LHFPL3: variants seen among roughly 807,000 people sequenced by gnomAD.
The protein encoded by LHFPL3 is LHFPL tetraspan subfamily member 3 protein.
LHFPL3 carries 5 observed loss-of-function variants against 19.3 expected under a neutral mutation model. The observed-to-expected ratio is 0.26, with a 90% CI of 0.14 to 0.54. LHFPL3 has a LOEUF of 0.54. Among genes scored for constraint, LHFPL3 ranks in the 20% least tolerant of loss-of-function variants. LHFPL3 has a pLI of 0.94. For missense variants in LHFPL3, 249 were observed against 307.4 expected (o/e 0.81, Z 1.42); for synonymous variants, 133 against 126.2 (o/e 1.05, Z -0.36).
At chr7:104,544,326 A>G (rs1355338361) in intron 1 of LHFPL3, among the ~76,000 whole-genome samples, 1 of 152,202 alleles carries the variant, frequency 6.6e-6, no homozygotes, top group Non-Finnish European at 1.5e-5. Flanking sequence ...GTATGGCCCC[A>G]TAGCCATCTC....
chr7:104,536,041 G>T (rs1794383155), intron 1 of LHFPL3, among the ~76,000 whole-genome samples: 1 of 152,132 alleles, frequency 6.6e-6, no homozygotes, highest in African/African-American at 2.4e-5. Flanking sequence ...TTTTCTCCCT[G>T]TGACCCATGC....
At chr7:104,811,166 CTTTCTTTT>C (rs1790460847) in intron 2 of LHFPL3, among the ~76,000 whole-genome samples, 2 of 18,026 alleles carry the variant, frequency 1.1e-4, no homozygotes, top group Non-Finnish European at 2.6e-3. Flanking sequence ...TTCTTTCTTT[CTTTCTTTT>C]CTTTTCTTTT....
At chr7:104,677,107 G>A (rs1196349478) in intron 1 of LHFPL3, among the ~76,000 whole-genome samples, 1 of 152,218 alleles carries the variant, frequency 6.6e-6, no homozygotes, top group African/African-American at 2.4e-5. Context: ...CAGACACACT[G>A]GCTCATGCCT....
At chr7:104,745,937 G>A (rs547599314) in intron 2 of LHFPL3, among the ~76,000 whole-genome samples, 9 of 152,252 alleles carry the variant, frequency 5.9e-5, no homozygotes, top group African/African-American at 2.2e-4. Flanking sequence ...TCTATATTGG[G>A]GATCAAGGTA....
intron 1 of LHFPL3, among the ~76,000 whole-genome samples, chr7:104,511,553 T>C (rs1331306943): frequency 1.3e-5 from 2 of 152,178 alleles, no homozygotes; most frequent in Non-Finnish European, 2.9e-5. Context: ...TAACCAATAA[T>C]TGGAAGCAAC....
intron 1 of LHFPL3, among the ~76,000 whole-genome samples, chr7:104,440,041 G>GGGAGT (rs1792190069): frequency 6.8e-6 from 1 of 146,626 alleles, no homozygotes; most frequent in Admixed American, 7.1e-5. Context: ...AGCCTGGGGG[G>GGGAGT]GGGGAGGGAT....
At chr7:104,841,491 G>GTGT (rs1554350243) in intron 2 of LHFPL3, among the ~76,000 whole-genome samples, 1 of 141,844 alleles carries the variant, frequency 7.1e-6, no homozygotes, top group East Asian at 2.2e-4. Context: ...TGCATTATGT[G>GTGT]GGGTGTGTGT....
chr7:104,609,565 G>A (rs561550499), intron 1 of LHFPL3, among the ~76,000 whole-genome samples: 2 of 152,274 alleles, frequency 1.3e-5, no homozygotes, highest in South Asian at 4.1e-4. Context: ...TGAAAATGGT[G>A]CAGAGAATAT....
intron 1 of LHFPL3, among the ~76,000 whole-genome samples, chr7:104,551,904 T>C (rs1794668539): frequency 6.6e-6 from 1 of 152,186 alleles, no homozygotes; most frequent in African/African-American, 2.4e-5. Context: ...CATTTACTTG[T>C]TTCATGGTGT....
chr7:104,879,422 A>C (rs1316311569), intron 2 of LHFPL3, among the ~76,000 whole-genome samples: 1 of 152,164 alleles, frequency 6.6e-6, no homozygotes, highest in African/African-American at 2.4e-5. Context: ...TCTCAAAAAA[A>C]AAAAATTTTA....
chr7:104,581,789 A>C (rs1790465812), intron 1 of LHFPL3, among the ~76,000 whole-genome samples: 1 of 151,968 alleles, frequency 6.6e-6, no homozygotes, highest in African/African-American at 2.4e-5. Context: ...ACAGTAAATA[A>C]CCACGTACAT....
At chr7:104,511,944 C>CTTTTTTTTT (rs58712044) in intron 1 of LHFPL3, among the ~76,000 whole-genome samples, 3 of 111,986 alleles carry the variant, frequency 2.7e-5, no homozygotes, top group African/African-American at 1.1e-4. Flanking sequence ...CTTTCCTTTT[C>CTTTTTTTTT]TTTTTTTTTT....
intron 2 of LHFPL3, among the ~76,000 whole-genome samples, chr7:104,846,769 G>A (rs1192862973): frequency 4.6e-5 from 7 of 152,170 alleles, no homozygotes; most frequent in African/African-American, 1.7e-4. Context: ...TCCCTGTCCT[G>A]GCTCTGCTAT....
intron 1 of LHFPL3, among the ~76,000 whole-genome samples, chr7:104,582,912 G>C (rs1790489008): frequency 6.6e-6 from 1 of 151,728 alleles, no homozygotes; most frequent in African/African-American, 2.4e-5. Context: ...AGAGTACCTG[G>C]TCTGGCACTT....
At chr7:104,818,550 T>C (rs1455719369) in intron 2 of LHFPL3, among the ~76,000 whole-genome samples, 1 of 152,194 alleles carries the variant, frequency 6.6e-6, no homozygotes, top group African/African-American at 2.4e-5. Flanking sequence ...AGTTTCAGTT[T>C]TATGCTTCAC....
At chr7:104,561,750 G>C (rs545829652) in intron 1 of LHFPL3, among the ~76,000 whole-genome samples, 1 of 151,910 alleles carries the variant, frequency 6.6e-6, no homozygotes, top group African/African-American at 2.4e-5. Flanking sequence ...TATTTTGCTC[G>C]TTAGTTGATG....
At chr7:104,818,591 G>C (rs1406959881) in intron 2 of LHFPL3, among the ~76,000 whole-genome samples, 1 of 151,984 alleles carries the variant, frequency 6.6e-6, no homozygotes, top group Non-Finnish European at 1.5e-5. Context: ...ATTGACCCTG[G>C]GGTAAACATA....
intron 1 of LHFPL3, among the ~76,000 whole-genome samples, chr7:104,547,939 TATC>T (rs1308424436): frequency 6.6e-6 from 1 of 152,148 alleles, no homozygotes; most frequent in Non-Finnish European, 1.5e-5. Context: ...TCACAGTAAA[TATC>T]ATCAAGTACA....
intron 1 of LHFPL3, among the ~76,000 whole-genome samples, chr7:104,355,660 A>G (rs891673103): frequency 1.3e-5 from 2 of 152,234 alleles, no homozygotes; most frequent in African/African-American, 4.8e-5. Context: ...TTAGAAAAAT[A>G]AAATTCTTTT....
Sources: gnomAD v4.1 joint callset for allele counts (sites outside exome capture counted in the v4.1 genomes callset) on GRCh38, gnomAD v4.1.1 for gene constraint, MANE v1.5 for transcripts, NCBI Gene and HGNC (gene_info 2026-07-23, HGNC 2026-07-21) for gene names.